The following TAFA2 variants were observed in gnomAD, a reference collection of about 807,000 sequenced individuals.
The protein encoded by TAFA2 is chemokine-like protein TAFA-2.
Under a neutral mutation model 18.8 loss-of-function variants are expected in TAFA2, and 7 were observed. The ratio of observed to expected loss-of-function variants is 0.37; its 90% CI spans 0.21 to 0.70. TAFA2 has a LOEUF of 0.70. Among genes scored for constraint, TAFA2 ranks in the 30% least tolerant of loss-of-function variants. The pLI is 0.53. For missense variants in TAFA2, 122 were observed against 158.1 expected, an observed-to-expected ratio of 0.77 and a Z score of 1.23; for synonymous variants, 60 against 54.2, an observed-to-expected ratio of 1.11 and a Z score of -0.47.
At chr12:62,022,125 C>T (rs56279780) in intron 1 of TAFA2, 160,300 of 468,834 alleles carry the variant, frequency 0.34, 29,343 homozygotes, top group Non-Finnish European at 0.39. Context: ...TCACCAAGAA[C>T]ATTCTGTGTT....
At chr12:62,139,643 G>A (rs2062224489) in intron 1 of TAFA2, among the ~76,000 whole-genome samples, 1 of 152,172 alleles carries the variant, frequency 6.6e-6, no homozygotes, top group Admixed American at 6.5e-5. Context: ...GGCTGTGTGA[G>A]CAGTAGCATG....
chr12:61,733,633 T>A (rs1457032157), intron 4 of TAFA2, among the ~76,000 whole-genome samples: 3 of 148,282 alleles, frequency 2.0e-5, no homozygotes, highest in African/African-American at 7.4e-5. Flanking sequence ...TTGATCTATA[T>A]CTCTGTTTTG....
chr12:62,251,929 T>C (rs537347894), intron 1 of TAFA2, among the ~76,000 whole-genome samples: 2 of 152,302 alleles, frequency 1.3e-5, no homozygotes, highest in East Asian at 3.9e-4. Context: ...CACAGTAGAT[T>C]ATCCAATTCA....
intron 1 of TAFA2, among the ~76,000 whole-genome samples, chr12:61,986,651 A>C (rs1010297149): frequency 1.8e-5 from 2 of 108,672 alleles, no homozygotes; most frequent in Non-Finnish European, 4.8e-5. Flanking sequence ...CATGAGACTT[A>C]GTTAAAAAAA....
At chr12:61,792,172 A>G (rs1049452196) in intron 2 of TAFA2, among the ~76,000 whole-genome samples, 1 of 151,694 alleles carries the variant, frequency 6.6e-6, no homozygotes, top group African/African-American at 2.4e-5. Flanking sequence ...TTGATCTTAC[A>G]GAAGTAGTGA....
intron 1 of TAFA2, chr12:62,021,929 G>C (rs750490133): frequency 2.7e-6 from 2 of 731,084 alleles, no homozygotes; most frequent in Non-Finnish European, 5.2e-6. Context: ...ATGATGAATT[G>C]CAACACACCA....
chr12:61,874,433 G>A (rs1371736342), intron 1 of TAFA2, among the ~76,000 whole-genome samples: 1 of 152,078 alleles, frequency 6.6e-6, no homozygotes. Context: ...AAGCTGCATT[G>A]GTTTCTAAGG....
chr12:62,232,171 G>A (rs2062814360), intron 1 of TAFA2, among the ~76,000 whole-genome samples: 1 of 152,042 alleles, frequency 6.6e-6, no homozygotes. Context: ...TATAACACAA[G>A]CCAGAAACCT....
At chr12:62,001,611 C>T (rs1443673034) in intron 1 of TAFA2, among the ~76,000 whole-genome samples, 3 of 151,916 alleles carry the variant, frequency 2.0e-5, no homozygotes, top group African/African-American at 7.3e-5. Context: ...ATCTGGCAGG[C>T]GGTGGAGCTC....
At chr12:62,163,348 GGGTTTT>G (rs2062418336) in intron 1 of TAFA2, among the ~76,000 whole-genome samples, 1 of 151,816 alleles carries the variant, frequency 6.6e-6, no homozygotes, top group Admixed American at 6.6e-5. Context: ...CTTAGGAGCT[GGGTTTT>G]TGTTTTTGTT....
At chr12:62,025,078 C>T (rs1298761377) in intron 1 of TAFA2, among the ~76,000 whole-genome samples, 3 of 152,112 alleles carry the variant, frequency 2.0e-5, no homozygotes, top group African/African-American at 7.2e-5. Flanking sequence ...AACTACTATT[C>T]AACCCAGCAA....
At chr12:61,811,438 G>T (rs1003611237) in intron 2 of TAFA2, among the ~76,000 whole-genome samples, 10 of 151,336 alleles carry the variant, frequency 6.6e-5, no homozygotes, top group African/African-American at 2.5e-4. Context: ...CGGCAAACTT[G>T]TAAGTTCACG....
At chr12:61,973,778 C>T (rs1350511855) in intron 1 of TAFA2, among the ~76,000 whole-genome samples, 3 of 151,668 alleles carry the variant, frequency 2.0e-5, no homozygotes, top group African/African-American at 7.3e-5. Flanking sequence ...TTCTGAAAAT[C>T]CCCCGACCCT....
intron 1 of TAFA2, among the ~76,000 whole-genome samples, chr12:62,037,247 C>A (rs1274925647): frequency 6.6e-6 from 1 of 152,176 alleles, no homozygotes; most frequent in East Asian, 1.9e-4. Context: ...CATCTGTGCT[C>A]GAAAACTATT....
At chr12:61,762,135 C>A (rs1869577961) in intron 2 of TAFA2, among the ~76,000 whole-genome samples, 1 of 152,058 alleles carries the variant, frequency 6.6e-6, no homozygotes, top group African/African-American at 2.4e-5. Flanking sequence ...AACCATGAGC[C>A]AATTAAACCT....
At chr12:61,875,421 A>G (rs1485063198) in intron 1 of TAFA2, among the ~76,000 whole-genome samples, 1 of 152,092 alleles carries the variant, frequency 6.6e-6, no homozygotes, top group Non-Finnish European at 1.5e-5. Flanking sequence ...TGTTTTTCCC[A>G]AAGAAAAAGA....
intron 4 of TAFA2, among the ~76,000 whole-genome samples, chr12:61,714,838 C>T (rs1869572987): frequency 6.6e-6 from 1 of 152,144 alleles, no homozygotes. Context: ...TCCCCCTGTT[C>T]AAGTCCTGCT....
chr12:61,765,412 G>T (rs1869745950), intron 2 of TAFA2, among the ~76,000 whole-genome samples: 1 of 152,086 alleles, frequency 6.6e-6, no homozygotes, highest in East Asian at 1.9e-4. Flanking sequence ...TTAAGCCAAT[G>T]ATTTTGATGT....
chr12:62,202,359 C>G (rs1473666558), intron 1 of TAFA2, among the ~76,000 whole-genome samples: 2 of 139,028 alleles, frequency 1.4e-5, no homozygotes, highest in Non-Finnish European at 3.1e-5. Flanking sequence ...TTTTTTTTTT[C>G]TTTTTGAGAC....
Sources: allele counts gnomAD v4.1 joint callset (sites outside exome capture counted in the v4.1 genomes callset), GRCh38; gene constraint gnomAD v4.1.1; transcripts MANE v1.5; gene names NCBI Gene and HGNC (gene_info 2026-07-23, HGNC 2026-07-21).